The following UBE2K variants were observed in gnomAD, a reference collection of about 807,000 sequenced individuals.
UBE2K encodes the protein ubiquitin-conjugating enzyme E2 K.
UBE2K carries 6 observed loss-of-function variants against 30.0 expected under a neutral mutation model. The observed-to-expected ratio is 0.20, with a 90% CI of 0.11 to 0.39. The LOEUF (loss-of-function observed/expected upper bound fraction) is 0.39, where lower values mean the gene tolerates loss of function less well. Ranked by LOEUF, UBE2K falls within the 10% of genes least tolerant of loss-of-function variation. The pLI, the probability that UBE2K is intolerant of heterozygous loss-of-function variation, is 1.00. For missense variants in UBE2K, 61 were observed against 241.6 expected (o/e 0.25, Z 4.96); for synonymous variants, 86 against 83.7 (o/e 1.03, Z -0.15).
intron 1 of UBE2K, among the ~76,000 whole-genome samples, chr4:39,718,128 G>A (rs1035882641): frequency 6.6e-6 from 1 of 152,116 alleles, no homozygotes; most frequent in African/African-American, 2.4e-5. Context: ...CTGGCCCCAC[G>A]CACATCCTGC....
intron 2 of UBE2K, among the ~76,000 whole-genome samples, chr4:39,743,712 C>A (rs1324899889): frequency 2.0e-5 from 3 of 152,046 alleles, no homozygotes; most frequent in Non-Finnish European, 4.4e-5. Context: ...GAAACAAAAT[C>A]TCATAGTCTT....
Position 39,765,256 on chromosome 4 carries a change from C to T in UBE2K, c.299+9517C>T, listed in dbSNP as rs553352437. Reference sequence around the variant, plus strand: ...ATTTACTAGGCCAGGCATCGTGGCTCATGCCTGCTGTAATCCCAGCACTTT... The same window carrying T: ...ATTTACTAGGCCAGGCATCGTGGCTTATGCCTGCTGTAATCCCAGCACTTT... On this transcript the variant is annotated intron_variant, in intron 4 of 6. Coordinates refer to ENST00000261427, the MANE Select transcript of UBE2K (RefSeq NM_005339.5). 1.0e-3 allele frequency among the ~76,000 whole-genome samples: 158 copies of T among 152,234 alleles called. No individual in the cohort carries two copies. The Middle Eastern group carries it at 0.014, about 13-fold the overall frequency.
intron 3 of UBE2K, among the ~76,000 whole-genome samples, chr4:39,752,526 C>T (rs1485379529): frequency 4.0e-5 from 6 of 151,742 alleles, no homozygotes; most frequent in East Asian, 1.9e-4. Flanking sequence ...TTAGTAGAGA[C>T]GGGGTTTCAC....
At position 39,770,471 on chromosome 4, in the gene UBE2K, T is replaced by C. The variant is rs1196421479; in HGVS notation, c.300-4363T>C. 3.1e-6 allele frequency: 5 copies of C among 1,610,390 alleles called. No individual in the cohort carries two copies. In the African/African-American group the frequency reaches 5.3e-5, roughly 17 times the overall value. ...GGCACTTGGTGCACTTGATGTTCTT[T>C]AAGGGGTTTCCACCTGAGAAGCTCC... On this transcript the variant is annotated intron_variant, in intron 4 of 6. Transcript: ENST00000261427.
At chr4:39,772,205 AAC>A (rs1445809786) in intron 4 of UBE2K, among the ~76,000 whole-genome samples, 2 of 152,098 alleles carry the variant, frequency 1.3e-5, no homozygotes, top group African/African-American at 2.4e-5. Context: ...AAATTGAGAA[AAC>A]AGTCACTAAT....
intron 4 of UBE2K, among the ~76,000 whole-genome samples, chr4:39,764,567 T>C (rs10440307): frequency 0.82 from 125,001 of 152,002 alleles, 51,810 homozygotes; most frequent in East Asian, 0.92. Context: ...CCACCTCAGC[T>C]TATCACAGGT....
intron 4 of UBE2K, among the ~76,000 whole-genome samples, chr4:39,757,042 T>TTTG (rs1711538750): frequency 1.4e-5 from 2 of 141,030 alleles, no homozygotes. Context: ...GTTTTTTTTT[T>TTTG]GAGACAGAGT....
At chr4:39,770,428 C>A in intron 4 of UBE2K, 1 of 1,612,442 alleles carries the variant, frequency 6.2e-7, no homozygotes, top group Admixed American at 1.7e-5. Context: ...AGCTTCTCCA[C>A]GCCCTGGAAC....
chr4:39,769,702 G>A (rs1184960518), intron 4 of UBE2K, among the ~76,000 whole-genome samples: 2 of 112,838 alleles, frequency 1.8e-5, no homozygotes, highest in Admixed American at 1.4e-4. Context: ...TTCTTATCTC[G>A]AGAAATGTCA....
At chr4:39,771,379 A>T in intron 4 of UBE2K, 9 of 1,612,648 alleles carry the variant, frequency 5.6e-6, no homozygotes, top group Non-Finnish European at 7.6e-6. Context: ...CATGTTCCGT[A>T]GCGTAGCGGC....
At chr4:39,706,312 G>A (rs529891669) in intron 1 of UBE2K, among the ~76,000 whole-genome samples, 3 of 151,892 alleles carry the variant, frequency 2.0e-5, no homozygotes, top group Admixed American at 1.3e-4. Flanking sequence ...CACCCTGTCC[G>A]GCCACAATAC....
At position 39,778,802 on chromosome 4, in the gene UBE2K, C is replaced by T. The variant is rs1216298360; in HGVS notation, c.*368C>T. 6.2e-6 allele frequency: 1 copy of T among 160,142 alleles called. No individual in the cohort carries two copies. 9.9% of individuals were successfully genotyped at this position (160,142 alleles called of 1,614,324 possible). A position where few individuals can be genotyped will look rare whatever the true frequency, so the allele number is the denominator to read the frequency against. On this transcript the variant is annotated 3_prime_UTR_variant, in exon 7 of 7. Coordinates refer to ENST00000261427, the MANE Select transcript of UBE2K (RefSeq NM_005339.5). ...GATAATATTTTGAGTGTGTCAGGGC[C>T]ATTCAAATTGTTGGTGTTGCATCAC...
chr4:39,732,466 G>A (rs543853465), intron 1 of UBE2K, among the ~76,000 whole-genome samples: 2 of 152,088 alleles, frequency 1.3e-5, no homozygotes, highest in Admixed American at 6.6e-5. Context: ...AGTGATGATG[G>A]TAACAATGAC....
At chr4:39,735,064 T>G (rs190115454) in intron 1 of UBE2K, among the ~76,000 whole-genome samples, 69 of 152,344 alleles carry the variant, frequency 4.5e-4, no homozygotes, top group African/African-American at 1.7e-3. Context: ...CATTGATGAT[T>G]AGCAAGATGA....
At chr4:39,758,369 A>C (rs305827) in intron 4 of UBE2K, among the ~76,000 whole-genome samples, 108,211 of 152,116 alleles carry the variant, frequency 0.71, 39,308 homozygotes, top group African/African-American at 0.86. Context: ...CAGCACCCAG[A>C]ATGACAACTT....
At position 39,771,043 on chromosome 4, in the gene UBE2K, C is replaced by T; in HGVS notation, c.300-3791C>T. ...CTCACGGACCCCATCCTCTTTGAGG[C>T]CTATTTTGGGCTCAGTGAACTGGCT... On this transcript the variant is annotated intron_variant, in intron 4 of 6. Coordinates refer to ENST00000261427, the MANE Select transcript of UBE2K (RefSeq NM_005339.5). The T allele has an allele frequency of 3.7e-6, 6 of 1,612,420 alleles. No individual in the cohort carries two copies. The South Asian group carries it at 6.6e-5, about 18-fold the overall frequency.
At chr4:39,725,307 G>A (rs780674289) in intron 1 of UBE2K, among the ~76,000 whole-genome samples, 5 of 143,566 alleles carry the variant, frequency 3.5e-5, no homozygotes, top group Admixed American at 7.5e-5. Flanking sequence ...CTGAACCCGG[G>A]AGGCAGTTTG....
chr4:39,752,311 A>ATTTTTTTTTTTTTTTTTTTT (rs751312791), intron 3 of UBE2K, among the ~76,000 whole-genome samples: 1 of 118,542 alleles, frequency 8.4e-6, no homozygotes, highest in African/African-American at 3.2e-5. Flanking sequence ...CGCCTGGCTA[A>ATTTTTTTTTTTTTTTTTTTT]TTTTTTTTTT....
At chr4:39,750,705 C>G (rs1455065247) in intron 3 of UBE2K, among the ~76,000 whole-genome samples, 1 of 147,758 alleles carries the variant, frequency 6.8e-6, no homozygotes, top group Non-Finnish European at 1.5e-5. Context: ...CGGAGATAAT[C>G]TTGAAGATTA....
Sources: allele counts gnomAD v4.1 joint callset (sites outside exome capture counted in the v4.1 genomes callset), GRCh38; gene constraint gnomAD v4.1.1; transcripts MANE v1.5; gene names NCBI Gene and HGNC (gene_info 2026-07-23, HGNC 2026-07-21).